CSMD2: variants seen among roughly 807,000 people sequenced by gnomAD.
CSMD2 encodes CUB and Sushi multiple domains 2, also known as CUB and sushi domain-containing protein 2.
A neutral mutation model predicts 398.5 loss-of-function variants in CSMD2; 130 were observed. The ratio of observed to expected loss-of-function variants is 0.33; its 90% CI spans 0.28 to 0.38. The LOEUF (loss-of-function observed/expected upper bound fraction) is 0.38. CSMD2 is among the 10% of genes least tolerant of loss of function. The pLI is 1.00. For synonymous variants in CSMD2, 1,828 were observed against 1,908.5 expected (o/e 0.96, Z 1.10); for missense variants, 3,829 against 4,764.9 (o/e 0.80, Z 5.78).
chr1:33,819,608 G>A (rs1485194610), intron 9 of CSMD2, 105 bp downstream of exon 9: 4 of 986,596 alleles, frequency 4.1e-6, no homozygotes, highest in African/African-American at 3.2e-5. Context: ...GGGGAGGGGA[G>A]CCAGTCTGCT....
At chr1:33,683,198 GTC>G (rs1644962795) in intron 25 of CSMD2, among the ~76,000 whole-genome samples, 2 of 148,452 alleles carry the variant, frequency 1.3e-5, no homozygotes, top group Non-Finnish European at 2.9e-5. Flanking sequence ...CTTAATCACT[GTC>G]TGTCTATTTC....
intron 44 of CSMD2, among the ~76,000 whole-genome samples, chr1:33,595,578 T>C (rs1307098768): frequency 2.0e-5 from 3 of 152,232 alleles, no homozygotes; most frequent in Non-Finnish European, 4.4e-5. Context: ...CATAGTGTTC[T>C]GTTTGATTCA....
At chr1:33,896,751 T>G (rs1642411597) in intron 5 of CSMD2, among the ~76,000 whole-genome samples, 1 of 152,152 alleles carries the variant, frequency 6.6e-6, no homozygotes, top group African/African-American at 2.4e-5. Context: ...GGAGGAGGCA[T>G]CTGCCATTTT....
chr1:33,885,899 G>A (rs1288154331), intron 5 of CSMD2, among the ~76,000 whole-genome samples: 1 of 152,104 alleles, frequency 6.6e-6, no homozygotes, highest in Non-Finnish European at 1.5e-5. Flanking sequence ...TCTTGGGCAG[G>A]CTAGGTTAAC....
At chr1:33,872,851 T>C (rs1318057315) in intron 5 of CSMD2, among the ~76,000 whole-genome samples, 1 of 152,186 alleles carries the variant, frequency 6.6e-6, no homozygotes, top group African/African-American at 2.4e-5. Flanking sequence ...AACCAAGAGC[T>C]TAGAAGGTGG....
intron 16 of CSMD2, among the ~76,000 whole-genome samples, chr1:33,726,276 G>A (rs146581227): frequency 2.6e-5 from 4 of 152,228 alleles, no homozygotes; most frequent in Non-Finnish European, 4.4e-5. Flanking sequence ...CCCCCTCCTT[G>A]GGGGCTGGGG....
intron 2 of CSMD2, among the ~76,000 whole-genome samples, chr1:34,036,121 GAA>G (rs896937022): frequency 6.8e-6 from 1 of 147,132 alleles, no homozygotes; most frequent in Admixed American, 6.8e-5. Flanking sequence ...GTTTCTTTAA[GAA>G]AAAAAAAACC....
intron 10 of CSMD2, among the ~76,000 whole-genome samples, chr1:33,794,332 A>G (rs781175258): frequency 3.9e-5 from 6 of 152,232 alleles, no homozygotes; most frequent in Admixed American, 6.5e-5. Context: ...AGATAGACAC[A>G]GAAGAGGAAG....
intron 3 of CSMD2, among the ~76,000 whole-genome samples, chr1:33,985,767 C>T (rs1194305031): frequency 2.6e-5 from 4 of 152,186 alleles, no homozygotes; most frequent in African/African-American, 4.8e-5. Context: ...CACTGCCAAG[C>T]TTAGTCCTGC....
intron 21 of CSMD2, among the ~76,000 whole-genome samples, chr1:33,712,495 G>A (rs1646026988): frequency 6.6e-6 from 1 of 152,230 alleles, no homozygotes; most frequent in Non-Finnish European, 1.5e-5. Flanking sequence ...CTCGGCAGCA[G>A]GGCTGGTGGT....
chr1:33,668,642 A>C (rs981697928), intron 25 of CSMD2, among the ~76,000 whole-genome samples: 3 of 152,150 alleles, frequency 2.0e-5, no homozygotes, highest in Non-Finnish European at 4.4e-5. Context: ...CTGGCTTTTG[A>C]TATCCTGAGA....
At chr1:33,810,679 T>C in intron 10 of CSMD2, 64 bp downstream of exon 10, 2 of 1,541,538 alleles carry the variant, frequency 1.3e-6, no homozygotes, top group South Asian at 1.2e-5. Flanking sequence ...AAAAACCTTG[T>C]AGGCCAACTG....
At chr1:33,836,307 G>T (rs937021927) in intron 6 of CSMD2, among the ~76,000 whole-genome samples, 4 of 152,216 alleles carry the variant, frequency 2.6e-5, no homozygotes, top group African/African-American at 9.6e-5. Flanking sequence ...CTACTCGGGG[G>T]TCAGGTTCCC....
intron 6 of CSMD2, among the ~76,000 whole-genome samples, chr1:33,830,772 A>G (rs1659451512): frequency 6.6e-6 from 1 of 152,222 alleles, no homozygotes; most frequent in African/African-American, 2.4e-5. Context: ...AAAAAAATTT[A>G]GAAGAATGTA....
intron 1 of CSMD2, among the ~76,000 whole-genome samples, chr1:34,159,336 C>CGCT (rs1465513726): frequency 1.1e-5 from 1 of 89,710 alleles, no homozygotes; most frequent in African/African-American, 4.5e-5. Flanking sequence ...CTGCCCCCCC[C>CGCT]CCACCCAGGA....
intron 1 of CSMD2, among the ~76,000 whole-genome samples, chr1:34,145,617 T>C (rs1017691359): frequency 6.6e-6 from 1 of 152,146 alleles, no homozygotes; most frequent in Non-Finnish European, 1.5e-5. Flanking sequence ...TGCAGCCTGG[T>C]AGAAACAGTG....
intron 3 of CSMD2, among the ~76,000 whole-genome samples, chr1:34,019,521 TA>T (rs987493162): frequency 7.9e-5 from 12 of 152,218 alleles, no homozygotes; most frequent in Non-Finnish European, 1.6e-4. Context: ...AAAGGCAATG[TA>T]GGGAGTGAGC....
intron 9 of CSMD2, among the ~76,000 whole-genome samples, chr1:33,818,840 T>C (rs1195149005): frequency 6.6e-6 from 1 of 152,202 alleles, no homozygotes; most frequent in Non-Finnish European, 1.5e-5. Flanking sequence ...AGATATTATT[T>C]TTCCTGGATC....
intron 1 of CSMD2, among the ~76,000 whole-genome samples, chr1:34,132,792 C>T (rs1020378874): frequency 2.0e-5 from 3 of 152,160 alleles, no homozygotes; most frequent in Admixed American, 2.0e-4. Flanking sequence ...AGGGTTCACC[C>T]CCACTATCCC....
Sources: allele counts gnomAD v4.1 joint callset (sites outside exome capture counted in the v4.1 genomes callset), GRCh38; gene constraint gnomAD v4.1.1; transcripts MANE v1.5; gene names NCBI Gene and HGNC (gene_info 2026-07-23, HGNC 2026-07-21).